The following RNGTT variants were observed in gnomAD, a reference collection of about 807,000 sequenced individuals.
RNGTT encodes the protein RNA guanylyltransferase and 5'-phosphatase, also known as mRNA-capping enzyme.
In RNGTT, 33 loss-of-function variants were observed where a neutral mutation model predicts 79.3. That is an observed-to-expected ratio of 0.42 (90% CI 0.32 to 0.56). The LOEUF is 0.56. Among genes scored for constraint, RNGTT ranks in the 20% least tolerant of loss-of-function variants. The probability of loss-of-function intolerance (pLI) is 0.17; values close to 1 mark genes in which losing one functional copy is unlikely to be tolerated. For missense variants in RNGTT, 497 were observed against 739.1 expected, an observed-to-expected ratio of 0.67 and a Z score of 3.80; for synonymous variants, 222 against 235.9, an observed-to-expected ratio of 0.94 and a Z score of 0.54.
rs144260997 is a variant in RNGTT at position 88,915,656 on chromosome 6, A to C, written c.368-9216T>G. ...AAGGGCAAGGGCTGAAAAACTCCCT[A>C]TTGGGTACTATGTTCACTATCTGTG... On this transcript the variant is annotated intron_variant, in intron 4 of 15. Transcript: ENST00000369485. 3.0e-4 allele frequency among the ~76,000 whole-genome samples: 45 copies of C among 152,288 alleles called. No individual in the cohort carries two copies. The East Asian group carries it at 8.7e-3, about 29-fold the overall frequency.
chr6:88,919,559 C>T (rs75107921), intron 4 of RNGTT, among the ~76,000 whole-genome samples: 3,081 of 152,102 alleles, frequency 0.02, 106 homozygotes, highest in African/African-American at 0.069. Context: ...AACTCCTGGG[C>T]TCAAGAGATC....
intron 13 of RNGTT, among the ~76,000 whole-genome samples, chr6:88,700,671 G>C (rs371583797): frequency 1.8e-4 from 28 of 152,264 alleles, no homozygotes; most frequent in African/African-American, 6.5e-4. Flanking sequence ...GGACCTTTCT[G>C]TTCAGGTTGT....
Position 88,886,101 on chromosome 6 carries a change from C to T in RNGTT, c.896+4394G>A, listed in dbSNP as rs533464210. On this transcript the variant is annotated intron_variant, in intron 8 of 15. Coordinates refer to ENST00000369485, the MANE Select transcript of RNGTT (RefSeq NM_003800.5). ...CAGGCGGATCACGACGTCAGGAGAT[C>T]GAGACCATCCTGGCTAACACGTTGA... Among the ~76,000 whole-genome samples, 8 of 152,214 alleles carry T rather than the reference C, an allele frequency of 5.3e-5. No homozygotes were observed. In the East Asian group the frequency reaches 1.4e-3, roughly 26 times the overall value.
chr6:88,716,682 C>T lies in RNGTT; in HGVS notation c.1440-38263G>A, dbSNP rs532869961. Reference sequence around the variant, plus strand: ...GTCCTTTGTAGGGACATGGATGAAGCTGGAAACCATCATTCTCAGCAAACT... The same window carrying T: ...GTCCTTTGTAGGGACATGGATGAAGTTGGAAACCATCATTCTCAGCAAACT... On this transcript the variant is annotated intron_variant, in intron 13 of 15. Transcript: ENST00000369485. Among the ~76,000 whole-genome samples, 8 of 152,126 alleles carry T rather than the reference C, an allele frequency of 5.3e-5. 1 individual carries two copies. Among genetic ancestry groups the T allele is most frequent in the Admixed American group, 4.6e-4 (7 of 15,286 alleles).
chr6:88,688,849 A>G (rs1284187740), intron 13 of RNGTT, among the ~76,000 whole-genome samples: 1 of 152,186 alleles, frequency 6.6e-6, no homozygotes, highest in Non-Finnish European at 1.5e-5. Context: ...CACAATGATG[A>G]CAAGGATGAA....
chr6:88,901,633 A>G (rs879464445), intron 6 of RNGTT, among the ~76,000 whole-genome samples: 4 of 150,384 alleles, frequency 2.7e-5, no homozygotes, highest in Non-Finnish European at 5.9e-5. Flanking sequence ...CAGCCTCCCA[A>G]GTAGCCGGGA....
chr6:88,687,925 T>C (rs1775337031), intron 13 of RNGTT, among the ~76,000 whole-genome samples: 1 of 152,144 alleles, frequency 6.6e-6, no homozygotes, highest in Non-Finnish European at 1.5e-5. Context: ...ACCATTACAA[T>C]GTTTCATATA....
intron 10 of RNGTT, among the ~76,000 whole-genome samples, chr6:88,847,508 T>C (rs1232011010): frequency 6.6e-6 from 1 of 152,132 alleles, no homozygotes; most frequent in African/African-American, 2.4e-5. Context: ...TAATCATCCA[T>C]AAAGACTCCA....
intron 13 of RNGTT, among the ~76,000 whole-genome samples, chr6:88,712,105 T>G (rs1049388475): frequency 7.2e-5 from 11 of 152,182 alleles, no homozygotes; most frequent in African/African-American, 2.7e-4. Flanking sequence ...CACATGTTGA[T>G]CTTTCCTTTA....
At chr6:88,864,240 G>T (rs960239516) in intron 8 of RNGTT, among the ~76,000 whole-genome samples, 2 of 152,232 alleles carry the variant, frequency 1.3e-5, no homozygotes, top group Middle Eastern at 3.4e-3. Context: ...ACATCATGGT[G>T]AAAGAGAAGC....
rs145186418 is a variant in RNGTT, at chr6:88,697,848, G to A, written c.1440-19429C>T. On this transcript the variant is annotated intron_variant, in intron 13 of 15. Transcript: ENST00000369485. The stretch of plus-strand genomic sequence containing the variant: ...ACTGCACCACTGCACTCCAGCCTGG[G>A]TGACAGAGTGAGACCCTGTCTTGGA... 1.5e-3 allele frequency among the ~76,000 whole-genome samples: 214 copies of A among 143,966 alleles called. 1 individual carries two copies. The highest frequency in any genetic ancestry group is 5.5e-3 in the African/African-American group (201 of 36,634). 94.4% of individuals were successfully genotyped at this position (143,966 alleles called of 152,430 possible).
At chr6:88,633,425 C>A (rs192520372) in intron 14 of RNGTT, among the ~76,000 whole-genome samples, 5 of 152,156 alleles carry the variant, frequency 3.3e-5, no homozygotes, top group Admixed American at 3.3e-4. Context: ...CTCTGGATAG[C>A]CAGTTCTTCC....
intron 4 of RNGTT, among the ~76,000 whole-genome samples, chr6:88,910,127 T>C (rs919533323): frequency 1.3e-5 from 2 of 152,012 alleles, no homozygotes; most frequent in Non-Finnish European, 2.9e-5. Flanking sequence ...TAGCAATGGA[T>C]CCCAACCAGA....
At chr6:88,853,582 GA>G in intron 9 of RNGTT, 46 bp downstream of exon 9, 2 of 1,269,736 alleles carry the variant, frequency 1.6e-6, no homozygotes, top group Admixed American at 2.6e-5. Flanking sequence ...ACAAGGAAAA[GA>G]AAAATGGCAA....
intron 14 of RNGTT, among the ~76,000 whole-genome samples, chr6:88,675,582 G>A (rs1774838697): frequency 1.3e-5 from 2 of 152,048 alleles, no homozygotes; most frequent in African/African-American, 2.4e-5. Flanking sequence ...AGATCAGAAA[G>A]GAGAACTGTC....
rs539282627 is a variant in RNGTT, at chr6:88,771,315, GTATATA to G, written c.1339-1447_1339-1442del. 4.7e-3 allele frequency among the ~76,000 whole-genome samples: 289 copies of G among 62,070 alleles called. 2 individuals are homozygous for G. The highest frequency in any genetic ancestry group is 0.026 in the South Asian group (46 of 1,738). The allele number at this position is 62,070 out of a possible 152,430, so 40.7% of individuals were successfully genotyped here. A position where few individuals can be genotyped will look rare whatever the true frequency, so the allele number is the denominator to read the frequency against. On this transcript the variant is annotated intron_variant, in intron 12 of 15. Transcript: ENST00000369485. ...ACTGTATGTATGTATGTGTGTGTGT[GTATATA>G]TATATATATATATATATATATATAT...
intron 11 of RNGTT, among the ~76,000 whole-genome samples, chr6:88,824,179 T>C (rs1780581346): frequency 6.6e-6 from 1 of 152,186 alleles, no homozygotes; most frequent in Non-Finnish European, 1.5e-5. Flanking sequence ...GTTGGGTGAT[T>C]CTGTCATTGT....
At chr6:88,776,671 A>T (rs1778898028) in intron 12 of RNGTT, among the ~76,000 whole-genome samples, 1 of 151,846 alleles carries the variant, frequency 6.6e-6, no homozygotes. Context: ...TTGGAAAAAA[A>T]AAAAAAAAAG....
chr6:88,679,042 C>T (rs1774990284), intron 13 of RNGTT, among the ~76,000 whole-genome samples: 1 of 152,034 alleles, frequency 6.6e-6, no homozygotes, highest in Admixed American at 6.6e-5. Flanking sequence ...ACCCCTCTTC[C>T]TCCTCCTTCT....
Sources: allele counts gnomAD v4.1 joint callset (sites outside exome capture counted in the v4.1 genomes callset), GRCh38; gene constraint gnomAD v4.1.1; transcripts MANE v1.5; gene names NCBI Gene and HGNC (gene_info 2026-07-23, HGNC 2026-07-21).